The following CCDC141 variants were observed in gnomAD, a reference collection of about 807,000 sequenced individuals.
CCDC141 encodes coiled-coil domain-containing protein 141.
Under a neutral mutation model 181.0 loss-of-function variants are expected in CCDC141, and 168 were observed. That is an observed-to-expected ratio of 0.93 (90% CI 0.82 to 1.05). The LOEUF (loss-of-function observed/expected upper bound fraction) is 1.05, where lower values mean the gene tolerates loss of function less well. CCDC141 is among the 50% of genes least tolerant of loss of function. The probability of loss-of-function intolerance (pLI) is 0.00; values close to 1 mark genes in which losing one functional copy is unlikely to be tolerated. For synonymous variants in CCDC141, 666 were observed against 642.3 expected, an observed-to-expected ratio of 1.04 and a Z score of -0.56; for missense variants, 1,902 against 1,788.5, an observed-to-expected ratio of 1.06 and a Z score of -1.14.
At chr2:178,982,784 A>T (rs1373304544) in intron 2 of CCDC141, among the ~76,000 whole-genome samples, 1 of 152,160 alleles carries the variant, frequency 6.6e-6, no homozygotes, top group Non-Finnish European at 1.5e-5. Context: ...GCACCACGAG[A>T]TTATATCCCG....
chr2:178,924,674 T>C (rs1472311087), intron 6 of CCDC141, among the ~76,000 whole-genome samples: 1 of 152,204 alleles, frequency 6.6e-6, no homozygotes, highest in East Asian at 1.9e-4. Context: ...GTGTCTTGCC[T>C]CAGTCTCCCA....
intron 2 of CCDC141, among the ~76,000 whole-genome samples, chr2:178,990,465 A>T (rs1164065287): frequency 6.6e-6 from 1 of 151,770 alleles, no homozygotes; most frequent in Non-Finnish European, 1.5e-5. Context: ...GGATGAACAA[A>T]ATGTACTATA....
intron 2 of CCDC141, among the ~76,000 whole-genome samples, chr2:178,981,737 C>T (rs1691423915): frequency 7.0e-6 from 1 of 142,298 alleles, no homozygotes; most frequent in Admixed American, 7.2e-5. Context: ...GAGTTTTTAC[C>T]ATAGGAACTA....
intron 2 of CCDC141, among the ~76,000 whole-genome samples, chr2:179,015,087 T>TATATATATATATATATATATA (rs2042404145): frequency 2.2e-5 from 1 of 46,310 alleles, no homozygotes; most frequent in African/African-American, 6.8e-5. Flanking sequence ...TATATATATA[T>TATATATATATATATATATATA]ATATATATAT....
At chr2:179,015,803 ATG>A (rs1423618664) in intron 2 of CCDC141, among the ~76,000 whole-genome samples, 2 of 138,898 alleles carry the variant, frequency 1.4e-5, no homozygotes, top group African/African-American at 2.6e-5. Context: ...TATCTCATAT[ATG>A]TATCATATAT....
intron 12 of CCDC141, 32 bp from the exon 13 acceptor site, chr2:178,872,344 T>C: frequency 6.4e-7 from 1 of 1,564,318 alleles, no homozygotes; most frequent in Non-Finnish European, 8.7e-7. Context: ...TAATAGCTTT[T>C]CTTTCCCAAG....
rs574658668 is a variant in CCDC141 at position 179,031,743 on chromosome 2, T to A, written c.225+15541A>T. 2.0e-5 allele frequency among the ~76,000 whole-genome samples: 3 copies of A among 152,248 alleles called. No homozygotes were observed. In the South Asian group the frequency reaches 6.2e-4, roughly 32 times the overall value. On this transcript the variant is annotated intron_variant, in intron 2 of 23. Coordinates refer to ENST00000443758, the MANE Select transcript of CCDC141 (RefSeq NM_173648.4). ...CAAGAAGTATGACACACTAGCAAAG[T>A]GTTTTCTTTTCAACATGTTAATAAA...
chr2:178,945,044 A>T (rs992914633), intron 5 of CCDC141, among the ~76,000 whole-genome samples: 1 of 152,212 alleles, frequency 6.6e-6, no homozygotes, highest in African/African-American at 2.4e-5. Flanking sequence ...GAAGATATTA[A>T]ACAGCAGAGG....
At chr2:178,822,721 A>G in the CCDC141 span, among the ~76,000 whole-genome samples, 6 of 152,220 alleles carry the variant, frequency 3.9e-5, no homozygotes, top group Non-Finnish European at 7.3e-5. Context: ...GGCAACATCA[A>G]TGGAGGGCCG....
intron 6 of CCDC141, among the ~76,000 whole-genome samples, chr2:178,919,962 T>C (rs1688613555): frequency 6.6e-6 from 1 of 152,248 alleles, no homozygotes; most frequent in Admixed American, 6.5e-5. Flanking sequence ...TTACTTTTTG[T>C]TGCATGAGAA....
At chr2:178,905,640 G>T (rs1329441989) in intron 7 of CCDC141, 139 bp from the exon 8 acceptor site, 14 of 853,284 alleles carry the variant, frequency 1.6e-5, no homozygotes, top group Non-Finnish European at 2.4e-5. Flanking sequence ...TCTTAATCTT[G>T]GAAGATTGTT....
At chr2:178,939,861 T>C (rs564250566) in intron 6 of CCDC141, among the ~76,000 whole-genome samples, 105 of 152,150 alleles carry the variant, frequency 6.9e-4, no homozygotes, top group African/African-American at 2.5e-3. Flanking sequence ...CCACAAGGGG[T>C]AAATTAAAGC....
chr2:178,824,736 G>C, the CCDC141 span, among the ~76,000 whole-genome samples: 1 of 151,146 alleles, frequency 6.6e-6, no homozygotes, highest in Non-Finnish European at 1.5e-5. Flanking sequence ...CATCTTTCAT[G>C]GTGTTCATAA....
At chr2:178,985,332 T>C (rs1191666397) in intron 2 of CCDC141, among the ~76,000 whole-genome samples, 7 of 146,554 alleles carry the variant, frequency 4.8e-5, no homozygotes, top group African/African-American at 1.3e-4. Context: ...TAGAGGGAAA[T>C]TTATAGCACT....
At chr2:178,871,624 T>G (rs1195784520) in intron 13 of CCDC141, 72 bp from the exon 14 acceptor site, 7 of 1,514,448 alleles carry the variant, frequency 4.6e-6, no homozygotes, top group Non-Finnish European at 6.2e-6. Context: ...ATTCTAGGTA[T>G]GACGCAGAGT....
chr2:178,866,546 A>T (rs987552069), intron 16 of CCDC141, among the ~76,000 whole-genome samples: 5 of 152,214 alleles, frequency 3.3e-5, no homozygotes, highest in Non-Finnish European at 5.9e-5. Flanking sequence ...GATTCACTGC[A>T]TTTCATATAG....
rs1685947395 is a variant in CCDC141, at chr2:178,868,350, T to C, written c.2395-145A>G. 5 of 632,940 alleles carry C rather than the reference T, an allele frequency of 7.9e-6. No homozygotes were observed. In the South Asian group the frequency reaches 8.5e-5, roughly 11 times the overall value. 39.2% of individuals were successfully genotyped at this position (632,940 alleles called of 1,614,324 possible). A position where few individuals can be genotyped will look rare whatever the true frequency, so the allele number is the denominator to read the frequency against. ...ACTGTTGGCATTAGCCAAATAAATG[T>C]TAGAATGCTGCAAATCCAATGGTGG... On this transcript the variant is annotated intron_variant, in intron 15 of 23. Coordinates refer to ENST00000443758, the MANE Select transcript of CCDC141 (RefSeq NM_173648.4).
rs1687918802 is a variant in CCDC141 at position 178,905,423 on chromosome 2, C to CT, written c.1170dup (p.Val391SerfsTer4). ...TTTCTGTGTAATTCCTCATGCCTCACTGCCAAAACAGCCAGACTTAAACCC... is the reference window on the plus strand; with the variant it reads ...TTTCTGTGTAATTCCTCATGCCTCACTTGCCAAAACAGCCAGACTTAAACCC... On this transcript the variant is annotated frameshift_variant, in exon 8 of 24. Transcript: ENST00000443758. LOFTEE classifies it high-confidence loss of function. The CT allele has an allele frequency of 6.4e-7, 1 of 1,550,986 alleles. No individual in the cohort carries two copies. Among genetic ancestry groups the CT allele is most frequent in the Non-Finnish European group, 8.7e-7 (1 of 1,147,026 alleles).
intron 2 of CCDC141, among the ~76,000 whole-genome samples, chr2:179,036,950 G>T (rs2043162001): frequency 6.6e-6 from 1 of 152,238 alleles, no homozygotes; most frequent in Non-Finnish European, 1.5e-5. Context: ...GTTATTACTG[G>T]TAAAGCTGGA....
Sources: gnomAD v4.1 joint callset for allele counts (sites outside exome capture counted in the v4.1 genomes callset) on GRCh38, gnomAD v4.1.1 for gene constraint, MANE v1.5 for transcripts, NCBI Gene and HGNC (gene_info 2026-07-23, HGNC 2026-07-21) for gene names.